LAMA3: variants seen among roughly 807,000 people sequenced by gnomAD.
LAMA3 encodes laminin subunit alpha 3.
Under a neutral mutation model 402.0 loss-of-function variants are expected in LAMA3, and 281 were observed. The observed-to-expected ratio is 0.70, with a 90% CI of 0.63 to 0.77. The LOEUF (loss-of-function observed/expected upper bound fraction) is 0.77. Among genes scored for constraint, LAMA3 ranks in the 30% least tolerant of loss-of-function variants. LAMA3 has a pLI of 0.00. For missense variants in LAMA3, 3,840 were observed against 4,215.5 expected (o/e 0.91, Z 2.47); for synonymous variants, 1,431 against 1,558.4 (o/e 0.92, Z 1.93).
chr18:23,940,417 T>G (rs1024864325), intron 68 of LAMA3, among the ~76,000 whole-genome samples: 4 of 152,228 alleles, frequency 2.6e-5, no homozygotes, highest in Non-Finnish European at 5.9e-5. Flanking sequence ...GCAGCCCCAC[T>G]GTGCTCCCTG....
chr18:23,836,229 T>C (rs1229009386), intron 24 of LAMA3, among the ~76,000 whole-genome samples: 1 of 152,166 alleles, frequency 6.6e-6, no homozygotes, highest in African/African-American at 2.4e-5. Flanking sequence ...ATATAACTTA[T>C]CTCATTTTAA....
intron 27 of LAMA3, among the ~76,000 whole-genome samples, chr18:23,840,381 CTTTTTTTTT>C (rs1303915333): frequency 3.5e-5 from 1 of 28,346 alleles, no homozygotes; most frequent in Admixed American, 5.9e-4. Context: ...ACCTTTCTTT[CTTTTTTTTT>C]TTTTTTTTTT....
chr18:23,850,270 A>T (rs1311687978), intron 32 of LAMA3, among the ~76,000 whole-genome samples: 2 of 152,256 alleles, frequency 1.3e-5, no homozygotes, highest in East Asian at 3.8e-4. Flanking sequence ...ATCATACTAT[A>T]AGAAAATCAA....
intron 34 of LAMA3, 53 bp downstream of exon 34, chr18:23,858,882 T>C: frequency 6.4e-7 from 1 of 1,558,070 alleles, no homozygotes; most frequent in African/African-American, 1.4e-5. Flanking sequence ...ATTTGTTAAA[T>C]GATAAGCATA....
intron 67 of LAMA3, among the ~76,000 whole-genome samples, chr18:23,938,796 T>G (rs1179928826): frequency 7.5e-6 from 1 of 133,502 alleles, no homozygotes. Flanking sequence ...TTGTGTAAGA[T>G]GAGAATAACA....
intron 41 of LAMA3, among the ~76,000 whole-genome samples, chr18:23,889,263 C>T (rs1342150978): frequency 2.6e-5 from 4 of 152,094 alleles, no homozygotes; most frequent in African/African-American, 7.2e-5. Context: ...CTTATCTCTG[C>T]TAAATATTAA....
chr18:23,886,870 G>A (rs1478340534), intron 41 of LAMA3, among the ~76,000 whole-genome samples: 2 of 152,174 alleles, frequency 1.3e-5, no homozygotes, highest in Admixed American at 6.5e-5. Flanking sequence ...TGGGAGGCAG[G>A]TTAGGTTGGG....
At position 23,689,807 on chromosome 18, in the gene LAMA3, G is replaced by A; in HGVS notation, c.124G>A (p.Ala42Thr). The A allele has an allele frequency of 1.3e-6, 2 of 1,537,318 alleles. No homozygotes were observed. The highest frequency in any genetic ancestry group is 5.1e-5 in the East Asian group (2 of 39,128). ...CGATARDPGA[A>T]AGLSLHPTYF... is the part of the protein sequence containing the mutation. Reference sequence around the variant, plus strand: ...GGCGACCGCTCGGGATCCCGGGGCCGCGGCCGGGCTCAGCCTTCACCCGAC... The same window carrying A: ...GGCGACCGCTCGGGATCCCGGGGCCACGGCCGGGCTCAGCCTTCACCCGAC... The change falls in exon 1 of 75, where the codon GCG (alanine) becomes ACG (threonine). Residue 42 changes from alanine to threonine, a missense_variant. Transcript: ENST00000313654.
rs2061739863 is a variant in LAMA3 at position 23,750,958 on chromosome 18, A to T, written c.725A>T (p.Asn242Ile). ...ATAAACGGTCGTCCAGGTGCAAAAA[A>T]TTTTACTTTCTCTCACACCCTGAGG... is the stretch of plus-strand genomic sequence containing the variant. ...SLINGRPGAK[N>I]FTFSHTLREF... The change falls in exon 5 of 75, where the codon AAT (asparagine) becomes ATT (isoleucine). Residue 242 changes from asparagine to isoleucine, a missense_variant. Transcript: ENST00000313654. 1.9e-6 allele frequency: 3 copies of T among 1,613,994 alleles called. No homozygotes were observed. In the South Asian group the frequency reaches 3.3e-5, roughly 18 times the overall value.
intron 32 of LAMA3, among the ~76,000 whole-genome samples, chr18:23,856,175 C>A (rs2064074944): frequency 6.6e-6 from 1 of 152,140 alleles, no homozygotes; most frequent in South Asian, 2.1e-4. Context: ...AGCAGGTTAC[C>A]TGGTTCCAAG....
chr18:23,717,750 T>C (rs2061134717), intron 2 of LAMA3, among the ~76,000 whole-genome samples: 1 of 140,666 alleles, frequency 7.1e-6, no homozygotes, highest in South Asian at 2.3e-4. Context: ...TTTTTTTTTT[T>C]AGTAGAGACA....
rs2063637756 is a variant in LAMA3, at chr18:23,838,822, G to A, written c.3135G>A (p.Glu1045=). 1.2e-6 allele frequency: 2 copies of A among 1,612,602 alleles called. No homozygotes were observed. The highest frequency in any genetic ancestry group is 1.3e-5 in the African/African-American group (1 of 74,886). ...TACCTATTGAAGAATTCTCAGCTGA[G>A]TATGTGAGACCACAAGTCCACTGCA... ...CIIPIEEFSA[E]YVRPQVHCIA... is the part of the protein sequence containing the mutation. Residue 1045 remains glutamate, a synonymous_variant, in exon 26 of 75, where the codon GAG becomes GAA. Transcript: ENST00000313654.
chr18:23,860,231 T>A (rs1038811227), intron 34 of LAMA3, among the ~76,000 whole-genome samples: 1 of 151,622 alleles, frequency 6.6e-6, no homozygotes, highest in African/African-American at 2.4e-5. Flanking sequence ...ACCTATTTTA[T>A]CATATCTTTT....
At chr18:23,778,292 G>A (rs2062365225) in intron 11 of LAMA3, among the ~76,000 whole-genome samples, 1 of 152,184 alleles carries the variant, frequency 6.6e-6, no homozygotes, top group Non-Finnish European at 1.5e-5. Flanking sequence ...CATTCTGGCT[G>A]CTGGGGACTT....
At chr18:23,876,986 A>T (rs2064741976) in intron 39 of LAMA3, among the ~76,000 whole-genome samples, 1 of 152,226 alleles carries the variant, frequency 6.6e-6, no homozygotes, top group Non-Finnish European at 1.5e-5. Flanking sequence ...GTGCCACTGC[A>T]CTGCAGCCTG....
intron 35 of LAMA3, among the ~76,000 whole-genome samples, chr18:23,863,746 T>A (rs2144756808): frequency 1.3e-5 from 2 of 152,318 alleles, no homozygotes; most frequent in Middle Eastern, 6.8e-3. Context: ...TAGGTTATTT[T>A]GTTCTGTCTA....
intron 12 of LAMA3, among the ~76,000 whole-genome samples, chr18:23,792,707 G>A (rs2062683180): frequency 6.6e-6 from 1 of 152,092 alleles, no homozygotes; most frequent in Admixed American, 6.5e-5. Flanking sequence ...TTTGCTTGAG[G>A]CAGAGCAGGG....
Position 23,824,329 on chromosome 18 carries a change from T to C in LAMA3, c.2429-94T>C, listed in dbSNP as rs543041353. The C allele has an allele frequency of 3.0e-5, 39 of 1,319,096 alleles. No homozygotes were observed. In the South Asian group the frequency reaches 4.6e-4, roughly 16 times the overall value. The allele number at this position is 1,319,096 out of a possible 1,614,324, so 81.7% of individuals were successfully genotyped here. A position where few individuals can be genotyped will look rare whatever the true frequency, so the allele number is the denominator to read the frequency against. ...TCAGTACATATCATCTTAAACTTTT[T>C]GAGATGTAAACTGAATGTTCAAAAC... On this transcript the variant is annotated intron_variant, in intron 20 of 74. Coordinates refer to ENST00000313654, the MANE Select transcript of LAMA3 (RefSeq NM_198129.4).
intron 32 of LAMA3, among the ~76,000 whole-genome samples, chr18:23,848,314 G>A (rs1027236023): frequency 6.6e-6 from 1 of 152,148 alleles, no homozygotes; most frequent in Non-Finnish European, 1.5e-5. Flanking sequence ...TGGAGACCTC[G>A]GCTCATGCAG....
Sources: allele counts gnomAD v4.1 joint callset (sites outside exome capture counted in the v4.1 genomes callset), GRCh38; gene constraint gnomAD v4.1.1; transcripts MANE v1.5; gene names NCBI Gene and HGNC (gene_info 2026-07-23, HGNC 2026-07-21).